CTNND2: variants seen among roughly 807,000 people sequenced by gnomAD.
CTNND2 encodes catenin delta 2, also known as catenin delta-2.
Under a neutral mutation model 144.4 loss-of-function variants are expected in CTNND2, and 22 were observed. The ratio of observed to expected loss-of-function variants is 0.15; its 90% CI spans 0.11 to 0.22. CTNND2 has a LOEUF of 0.22. Ranked by LOEUF, CTNND2 falls within the 10% of genes least tolerant of loss-of-function variation. CTNND2 has a pLI of 1.00. For synonymous variants in CTNND2, 751 were observed against 695.6 expected, an observed-to-expected ratio of 1.08 and a Z score of -1.25; for missense variants, 1,353 against 1,618.8, an observed-to-expected ratio of 0.84 and a Z score of 2.82.
At chr5:11,346,974 T>C (rs1321203152) in intron 8 of CTNND2, among the ~76,000 whole-genome samples, 2 of 152,194 alleles carry the variant, frequency 1.3e-5, no homozygotes, top group East Asian at 3.8e-4. Context: ...AAGTTAATTC[T>C]TCATTTTCAA....
At chr5:11,469,728 T>C (rs1766990458) in intron 3 of CTNND2, among the ~76,000 whole-genome samples, 1 of 152,246 alleles carries the variant, frequency 6.6e-6, no homozygotes, top group South Asian at 2.1e-4. Flanking sequence ...TAATTTTAAA[T>C]ATTCAAGTAT....
At chr5:11,672,238 C>T (rs377012283) in intron 2 of CTNND2, among the ~76,000 whole-genome samples, 2 of 152,174 alleles carry the variant, frequency 1.3e-5, no homozygotes, top group African/African-American at 4.8e-5. Flanking sequence ...GGAGGTGTCT[C>T]CCAGTCAGGA....
chr5:11,698,024 T>A (rs1314637213), intron 2 of CTNND2, among the ~76,000 whole-genome samples: 1 of 152,138 alleles, frequency 6.6e-6, no homozygotes, highest in Non-Finnish European at 1.5e-5. Context: ...AGAGTTACAG[T>A]CAGATTTAAT....
intron 2 of CTNND2, among the ~76,000 whole-genome samples, chr5:11,603,576 C>T (rs1004598736): frequency 6.6e-6 from 1 of 152,108 alleles, no homozygotes; most frequent in Non-Finnish European, 1.5e-5. Flanking sequence ...ATAGAGTTTG[C>T]TACATTCAGC....
intron 3 of CTNND2, among the ~76,000 whole-genome samples, chr5:11,461,020 G>A (rs188207565): frequency 6.6e-6 from 1 of 151,792 alleles, no homozygotes; most frequent in East Asian, 1.9e-4. Context: ...CTGCATTCTG[G>A]CGACAGAGCG....
chr5:11,867,272 G>A (rs1324221052), intron 1 of CTNND2, among the ~76,000 whole-genome samples: 1 of 152,214 alleles, frequency 6.6e-6, no homozygotes, highest in Non-Finnish European at 1.5e-5. Context: ...CCTTTGCTCA[G>A]ACTTTGCACT....
intron 18 of CTNND2, among the ~76,000 whole-genome samples, chr5:11,012,286 G>T (rs1263909361): frequency 6.6e-6 from 1 of 152,160 alleles, no homozygotes; most frequent in Non-Finnish European, 1.5e-5. Flanking sequence ...GAAAGGCCAT[G>T]AAGGTTCTTT....
intron 1 of CTNND2, among the ~76,000 whole-genome samples, chr5:11,813,094 C>T (rs1792428503): frequency 6.6e-6 from 1 of 152,168 alleles, no homozygotes; most frequent in East Asian, 1.9e-4. Context: ...AAAGTAGTCC[C>T]GTAAGATTAG....
chr5:11,724,052 T>C (rs1202794590), intron 2 of CTNND2, among the ~76,000 whole-genome samples: 1 of 136,350 alleles, frequency 7.3e-6, no homozygotes, highest in Non-Finnish European at 1.5e-5. Context: ...AAGGCTTCAT[T>C]TCAAAAAAAA....
intron 1 of CTNND2, among the ~76,000 whole-genome samples, chr5:11,737,056 T>C (rs1787722291): frequency 6.6e-6 from 1 of 152,196 alleles, no homozygotes; most frequent in Non-Finnish European, 1.5e-5. Flanking sequence ...TACCCCATTT[T>C]TACATCTATG....
At chr5:11,629,229 C>T (rs1398240978) in intron 2 of CTNND2, among the ~76,000 whole-genome samples, 1 of 152,052 alleles carries the variant, frequency 6.6e-6, no homozygotes, top group Non-Finnish European at 1.5e-5. Flanking sequence ...GACCATTAGC[C>T]TTGTTGCCAC....
At chr5:11,275,658 C>A (rs1432561173) in intron 9 of CTNND2, among the ~76,000 whole-genome samples, 1 of 152,220 alleles carries the variant, frequency 6.6e-6, no homozygotes, top group African/African-American at 2.4e-5. Context: ...TACACATATT[C>A]TCTCCCTTAA....
At chr5:11,732,062 CT>C (rs1787416661) in intron 2 of CTNND2, 73 bp downstream of exon 2, 1 of 1,451,884 alleles carries the variant, frequency 6.9e-7, no homozygotes, top group African/African-American at 1.4e-5. Flanking sequence ...ATAATTTAAT[CT>C]TTAACGTTCA....
chr5:11,176,515 T>C (rs1023804031), intron 11 of CTNND2, among the ~76,000 whole-genome samples: 1 of 152,296 alleles, frequency 6.6e-6, no homozygotes, highest in East Asian at 1.9e-4. Flanking sequence ...TTACCAAGTT[T>C]ATCCATTTTA....
chr5:11,122,791 G>T (rs1278694920), intron 12 of CTNND2, among the ~76,000 whole-genome samples: 1 of 151,966 alleles, frequency 6.6e-6, no homozygotes, highest in African/African-American at 2.4e-5. Flanking sequence ...GATACAGAGA[G>T]TCCCAAGGCA....
chr5:11,675,240 T>A (rs535381938), intron 2 of CTNND2, among the ~76,000 whole-genome samples: 1 of 152,186 alleles, frequency 6.6e-6, no homozygotes, highest in Non-Finnish European at 1.5e-5. Flanking sequence ...GGTAAACTAA[T>A]GTATAGCAGA....
At chr5:11,478,065 A>G (rs1273929027) in intron 3 of CTNND2, among the ~76,000 whole-genome samples, 1 of 152,234 alleles carries the variant, frequency 6.6e-6, no homozygotes. Context: ...TTTGTTGTTA[A>G]GCAGTCTACT....
chr5:11,645,948 C>T (rs1379251251), intron 2 of CTNND2, among the ~76,000 whole-genome samples: 1 of 151,762 alleles, frequency 6.6e-6, no homozygotes, highest in Non-Finnish European at 1.5e-5. Flanking sequence ...ATTTAAAATC[C>T]TATCTTCCAC....
chr5:11,795,878 C>A (rs1791373372), intron 1 of CTNND2, among the ~76,000 whole-genome samples: 1 of 152,188 alleles, frequency 6.6e-6, no homozygotes, highest in African/African-American at 2.4e-5. Context: ...TTCTTTAGGT[C>A]AGAATGTCCA....
Sources: gnomAD v4.1 joint callset for allele counts (sites outside exome capture counted in the v4.1 genomes callset) on GRCh38, gnomAD v4.1.1 for gene constraint, MANE v1.5 for transcripts, NCBI Gene and HGNC (gene_info 2026-07-23, HGNC 2026-07-21) for gene names.